TAF11L11: variants seen among roughly 807,000 people sequenced by gnomAD.
TAF11L11 encodes TATA-box-binding protein-associated factor 11-like protein 11.
exon 1 of TAF11L11, chr5:17,605,172 G>C (rs1739141402): frequency 2.5e-6 from 1 of 395,440 alleles, no homozygotes; most frequent in Non-Finnish European, 4.5e-6. Flanking sequence ...TCCATCACTG[G>C]CAGATCGGTG....
downstream of TAF11L11, among the ~76,000 whole-genome samples, chr5:17,605,851 A>G (rs1438049707): frequency 1.3e-5 from 2 of 151,440 alleles, 1 homozygote; most frequent in Non-Finnish European, 2.9e-5. Flanking sequence ...TTTGTGAGTC[A>G]TCACAAAAGC....
exon 1 of TAF11L11, chr5:17,604,706 A>T (rs1579615758): frequency 5.4e-6 from 2 of 369,898 alleles, no homozygotes; most frequent in South Asian, 2.7e-4. Context: ...CTCATTGCAG[A>T]TCCATAATCG....
At chr5:17,605,818 C>G (rs75235893), downstream of TAF11L11, among the ~76,000 whole-genome samples, 2 of 151,372 alleles carry the variant, frequency 1.3e-5, no homozygotes, top group African/African-American at 4.9e-5. Context: ...TTCTTCTGTA[C>G]ATTTTCAATG....
Position 17,605,222 on chromosome 5 carries a change from G to A in TAF11L11, c.442G>A (p.Val148Ile), listed in dbSNP as rs115096202. The change falls in exon 1 of 1, where the codon GTC (valine) becomes ATC (isoleucine). Residue 148 changes from valine to isoleucine, a missense_variant. Physicochemically the swap from Val to Ile is conservative, Grantham distance 29. Transcript: ENST00000510838. ...CATTGCCATGGCTGGAATAGCCAAG[G>A]TCTTTGTGGGAGAGGTGGTGGAAGA... 5.8e-3 allele frequency: 2,280 copies of A among 395,490 alleles called. 133 individuals are homozygous for A. Among genetic ancestry groups the A allele is most frequent in the African/African-American group, 0.044 (2,117 of 48,358 alleles). 24.5% of individuals were successfully genotyped at this position (395,490 alleles called of 1,614,324 possible). A position where few individuals can be genotyped will look rare whatever the true frequency, so the allele number is the denominator to read the frequency against.
In TAF11L11 at chr5:17,604,457, G is replaced by C. The variant is rs565108759; in HGVS notation, c.-324G>C. ...GACTCTGAGCAGGAGGCAGTCACTT[G>C]GCCTAGCAGAACTTCTGACCTGTGA... is the stretch of plus-strand genomic sequence containing the variant. On this transcript the variant is annotated 5_prime_UTR_variant, in exon 1 of 1. Transcript: ENST00000510838. The C allele has an allele frequency of 1.7e-5, 3 of 171,558 alleles. No homozygotes were observed. The South Asian group carries it at 6.0e-4, about 34-fold the overall frequency. The allele number at this position is 171,558 out of a possible 1,614,324, so 10.6% of individuals were successfully genotyped here. A position where few individuals can be genotyped will look rare whatever the true frequency, so the allele number is the denominator to read the frequency against.
exon 1 of TAF11L11, chr5:17,605,314 T>C (rs778121319): frequency 2.5e-5 from 10 of 394,032 alleles, no homozygotes; most frequent in East Asian, 7.2e-5. Flanking sequence ...TACGGGAGGC[T>C]GTTCGCAGGT....
downstream of TAF11L11, among the ~76,000 whole-genome samples, chr5:17,605,657 C>T (rs1472613290): frequency 2.0e-5 from 3 of 151,360 alleles, 1 homozygote; most frequent in Non-Finnish European, 4.4e-5. Context: ...CTAGAGCATC[C>T]TGTGGACAGG....
In TAF11L11 at chr5:17,604,638, T is replaced by C. The variant is rs536673169; in HGVS notation, c.-143T>C. 120 of 337,004 alleles carry C rather than the reference T, an allele frequency of 3.6e-4. No individual in the cohort carries two copies. In the East Asian group the frequency reaches 5.1e-3, roughly 14 times the overall value. The allele number at this position is 337,004 out of a possible 1,614,324, so 20.9% of individuals were successfully genotyped here. A position where few individuals can be genotyped will look rare whatever the true frequency, so the allele number is the denominator to read the frequency against. ...TGGGAAGGGGAGGCAGGGGGCTGTGTCCAGTTATGGTTAAACTGGCACAGC... is the reference window on the plus strand; with the variant it reads ...TGGGAAGGGGAGGCAGGGGGCTGTGCCCAGTTATGGTTAAACTGGCACAGC... On this transcript the variant is annotated 5_prime_UTR_variant, in exon 1 of 1. Coordinates refer to ENST00000510838, the Ensembl canonical transcript of TAF11L11.
chr5:17,605,224 C>G (rs1051517854), exon 1 of TAF11L11: 2 of 395,360 alleles, frequency 5.1e-6, no homozygotes, highest in African/African-American at 2.1e-5. Flanking sequence ...TAGCCAAGGT[C>G]TTTGTGGGAG....
downstream of TAF11L11, among the ~76,000 whole-genome samples, chr5:17,605,801 ATTG>A (rs549634275): frequency 1.2e-4 from 18 of 151,252 alleles, no homozygotes; most frequent in African/African-American, 3.6e-4. Flanking sequence ...ATGTTTCCCA[ATTG>A]TTGTTCTTCT....
exon 1 of TAF11L11, chr5:17,605,174 A>G: frequency 2.5e-6 from 1 of 395,618 alleles, no homozygotes; most frequent in South Asian, 1.3e-4. Flanking sequence ...CATCACTGGC[A>G]GATCGGTGTC....
chr5:17,605,114 T>G (rs182431458), exon 1 of TAF11L11: 1 of 395,124 alleles, frequency 2.5e-6, no homozygotes. Flanking sequence ...CTACGAAGTG[T>G]GTCGCCGGTC....
At chr5:17,605,649 A>T (rs76871027), downstream of TAF11L11, among the ~76,000 whole-genome samples, 10 of 151,518 alleles carry the variant, frequency 6.6e-5, no homozygotes, top group East Asian at 1.9e-3. Flanking sequence ...GCCTGGGCCT[A>T]GAGCATCCTG....
chr5:17,604,878 A>G lies in TAF11L11; in HGVS notation c.98A>G (p.Asp33Gly), dbSNP rs1579615854. ...AAGGATGGAATCCCTGAGGACCTAGATGGGAACTTGGAAGAACCCAGGGAT... is the reference window on the plus strand; with the variant it reads ...AAGGATGGAATCCCTGAGGACCTAGGTGGGAACTTGGAAGAACCCAGGGAT... The change falls in exon 1 of 1, where the codon GAT (aspartate) becomes GGT (glycine). Residue 33 changes from aspartate to glycine, a missense_variant. By Grantham distance (94) the Asp-to-Gly change is moderately conservative. Transcript: ENST00000510838. 1.0e-5 allele frequency: 4 copies of G among 391,034 alleles called. No individual in the cohort carries two copies. In the East Asian group the frequency reaches 1.4e-4, roughly 14 times the overall value. The allele number at this position is 391,034 out of a possible 1,614,324, so 24.2% of individuals were successfully genotyped here. A position where few individuals can be genotyped will look rare whatever the true frequency, so the allele number is the denominator to read the frequency against.
exon 1 of TAF11L11, chr5:17,604,730 A>G (rs375105936): frequency 8.0e-6 from 3 of 376,030 alleles, no homozygotes; most frequent in South Asian, 1.3e-4. Context: ...CACCCCAGCC[A>G]GAACTTCTGC....
chr5:17,605,871 G>A (rs1189639573), downstream of TAF11L11, among the ~76,000 whole-genome samples: 1 of 151,364 alleles, frequency 6.6e-6, no homozygotes, highest in Non-Finnish European at 1.5e-5. Flanking sequence ...CAGTTAAACT[G>A]TTTTCCAAAC....
chr5:17,605,347 C>T (rs1308052733), exon 1 of TAF11L11: 1 of 393,736 alleles, frequency 2.5e-6, no homozygotes, highest in Non-Finnish European at 4.5e-6. Context: ...GCATCCTCCC[C>T]AACAGCAACT....
At chr5:17,605,131 C>A in exon 1 of TAF11L11, 1 of 395,460 alleles carries the variant, frequency 2.5e-6, no homozygotes, top group Non-Finnish European at 4.5e-6. Context: ...GGTCAGCTTT[C>A]CCAAAAGCAC....
chr5:17,605,513 T>G (rs1466818375), downstream of TAF11L11: 2 of 384,516 alleles, frequency 5.2e-6, no homozygotes, highest in Admixed American at 4.5e-5. Flanking sequence ...TGTCTGAAAC[T>G]GTGAAGTTGA....
Sources: allele counts gnomAD v4.1 joint callset (sites outside exome capture counted in the v4.1 genomes callset), GRCh38; gene constraint gnomAD v4.1.1; transcripts MANE v1.5; gene names NCBI Gene and HGNC (gene_info 2026-07-23, HGNC 2026-07-21).